TASP1: variants seen among roughly 807,000 people sequenced by gnomAD.
The protein encoded by TASP1 is taspase 1, also known as threonine aspartase 1.
Under a neutral mutation model 56.6 loss-of-function variants are expected in TASP1, and 16 were observed. The ratio of observed to expected loss-of-function variants is 0.28; its 90% CI spans 0.19 to 0.43. The LOEUF is 0.43. Among genes scored for constraint, TASP1 ranks in the 20% least tolerant of loss-of-function variants. The probability of loss-of-function intolerance (pLI) is 1.00; values close to 1 mark genes in which losing one functional copy is unlikely to be tolerated. For missense variants in TASP1, 393 were observed against 511.6 expected (o/e 0.77, Z 2.24); for synonymous variants, 179 against 184.2 (o/e 0.97, Z 0.23).
chr20:13,565,417 C>T (rs1164753058), intron 7 of TASP1, among the ~76,000 whole-genome samples: 2 of 152,142 alleles, frequency 1.3e-5, no homozygotes, highest in South Asian at 2.1e-4. Context: ...AAAGGCAACT[C>T]GTGGAATGGG....
chr20:13,182,869 C>T, the TASP1 span, among the ~76,000 whole-genome samples: 1 of 152,150 alleles, frequency 6.6e-6, no homozygotes, highest in Non-Finnish European at 1.5e-5. Flanking sequence ...AAGTAGACAT[C>T]GATTGACAAC....
At chr20:13,204,330 G>A in the TASP1 span, among the ~76,000 whole-genome samples, 1 of 151,998 alleles carries the variant, frequency 6.6e-6, no homozygotes, top group Non-Finnish European at 1.5e-5. Flanking sequence ...TACATCTAGA[G>A]CTCACAATTT....
intron 4 of TASP1, among the ~76,000 whole-genome samples, chr20:13,599,313 G>A (rs574897467): frequency 6.6e-6 from 1 of 152,286 alleles, no homozygotes; most frequent in African/African-American, 2.4e-5. Flanking sequence ...ATTAAGAAAT[G>A]TGGCACATAT....
At chr20:13,150,928 C>T in the TASP1 span, among the ~76,000 whole-genome samples, 60 of 152,250 alleles carry the variant, frequency 3.9e-4, no homozygotes, top group Non-Finnish European at 6.3e-4. Context: ...CAGATTTGGT[C>T]CAGTCTCCCT....
intron 10 of TASP1, 24 bp downstream of exon 10, chr20:13,528,409 A>G: frequency 1.3e-6 from 2 of 1,590,884 alleles, no homozygotes; most frequent in Non-Finnish European, 8.6e-7. Context: ...AGTTATGAGA[A>G]ATGGTTATGA....
chr20:13,287,082 A>T, the TASP1 span, among the ~76,000 whole-genome samples: 5 of 129,838 alleles, frequency 3.9e-5, no homozygotes, highest in African/African-American at 5.8e-5. Context: ...CCACTCCAAG[A>T]CTTTACTTTT....
chr20:13,166,831 G>A, the TASP1 span: 1 of 152,180 alleles, frequency 6.6e-6, no homozygotes, highest in Non-Finnish European at 1.5e-5. Context: ...CTAGACATGT[G>A]TCTTCATGAG....
intron 7 of TASP1, among the ~76,000 whole-genome samples, chr20:13,563,005 C>T (rs1290005896): frequency 2.9e-5 from 4 of 136,436 alleles, no homozygotes; most frequent in African/African-American, 1.1e-4. Flanking sequence ...TATACACACA[C>T]ATAGGTGTAT....
the TASP1 span, among the ~76,000 whole-genome samples, chr20:13,127,698 G>A: frequency 6.6e-6 from 1 of 152,156 alleles, no homozygotes; most frequent in South Asian, 2.1e-4. Flanking sequence ...CTTCTACTGA[G>A]CCCTAGTGCT....
intron 10 of TASP1, among the ~76,000 whole-genome samples, chr20:13,497,366 T>C (rs1336765301): frequency 6.6e-6 from 1 of 152,190 alleles, no homozygotes; most frequent in Admixed American, 6.5e-5. Context: ...CTAAGTGCAC[T>C]GCAACTGTCC....
downstream of TASP1, among the ~76,000 whole-genome samples, chr20:13,385,672 A>G (rs2041158349): frequency 6.6e-6 from 1 of 152,212 alleles, no homozygotes; most frequent in Non-Finnish European, 1.5e-5. Context: ...ATTTCAGTAA[A>G]CACAGGTAGG....
chr20:13,417,365 A>C, intron 13 of TASP1, 83 bp downstream of exon 13: 1 of 1,476,316 alleles, frequency 6.8e-7, no homozygotes, highest in Non-Finnish European at 9.3e-7. Context: ...AGCTGAAAAA[A>C]TTCATCCACA....
At chr20:13,260,714 C>T in the TASP1 span, among the ~76,000 whole-genome samples, 2 of 151,944 alleles carry the variant, frequency 1.3e-5, no homozygotes, top group Non-Finnish European at 2.9e-5. Flanking sequence ...TTCTGCAACT[C>T]TCATTCTACC....
the TASP1 span, among the ~76,000 whole-genome samples, chr20:13,120,683 A>C: frequency 2.6e-5 from 4 of 152,238 alleles, no homozygotes; most frequent in South Asian, 8.3e-4. Flanking sequence ...AAACAAGGAG[A>C]AAAAAATGGT....
chr20:13,522,185 C>A (rs182608938), intron 10 of TASP1, among the ~76,000 whole-genome samples: 1 of 152,254 alleles, frequency 6.6e-6, no homozygotes, highest in African/African-American at 2.4e-5. Context: ...GCCTTATAGG[C>A]CCTTCATTAG....
chr20:13,174,698 C>T, the TASP1 span, among the ~76,000 whole-genome samples: 33 of 120,454 alleles, frequency 2.7e-4, no homozygotes, highest in South Asian at 9.9e-4. Flanking sequence ...AACCTTGTCA[C>T]GAAAAAAAAA....
At chr20:13,293,233 T>C in the TASP1 span, among the ~76,000 whole-genome samples, 2 of 152,024 alleles carry the variant, frequency 1.3e-5, no homozygotes, top group South Asian at 2.1e-4. Flanking sequence ...AAAGAATTCT[T>C]CATAAACCTT....
chr20:13,200,695 A>C, the TASP1 span, among the ~76,000 whole-genome samples: 3 of 152,264 alleles, frequency 2.0e-5, no homozygotes, highest in African/African-American at 7.2e-5. Context: ...GAAATAAAAC[A>C]AAATTGAAAA....
the TASP1 span, among the ~76,000 whole-genome samples, chr20:13,214,564 G>C: frequency 8.2e-3 from 915 of 111,202 alleles, 6 homozygotes; most frequent in South Asian, 0.055. Context: ...CACACACACA[G>C]AGAGAGAGAG....
Sources: allele counts gnomAD v4.1 joint callset (sites outside exome capture counted in the v4.1 genomes callset), GRCh38; gene constraint gnomAD v4.1.1; transcripts MANE v1.5; gene names NCBI Gene and HGNC (gene_info 2026-07-23, HGNC 2026-07-21).